Variants in TUSC3 observed in about 807,000 individuals in gnomAD.
TUSC3 encodes the protein dolichyl-diphosphooligosaccharide--protein glycosyltransferase subunit TUSC3.
In TUSC3, 45 loss-of-function variants were observed where a neutral mutation model predicts 44.8. That is an observed-to-expected ratio of 1.00 (90% CI 0.79 to 1.29). The LOEUF (loss-of-function observed/expected upper bound fraction) is 1.29, where lower values mean the gene tolerates loss of function less well. Among genes scored for constraint, TUSC3 ranks in the 50% most tolerant of loss-of-function variants. The pLI is 0.00. For synonymous variants in TUSC3, 212 were observed against 152.9 expected (o/e 1.39, Z -2.85); for missense variants, 519 against 437.9 (o/e 1.19, Z -1.65).
At chr8:15,521,953 G>C (rs1449958070) in intron 2 of TUSC3, among the ~76,000 whole-genome samples, 1 of 152,210 alleles carries the variant, frequency 6.6e-6, no homozygotes, top group African/African-American at 2.4e-5. Flanking sequence ...AATTACTTTT[G>C]CAGCAAACGA....
At chr8:15,736,720 CT>C (rs1554484402) in intron 7 of TUSC3, among the ~76,000 whole-genome samples, 1 of 152,050 alleles carries the variant, frequency 6.6e-6, no homozygotes, top group Non-Finnish European at 1.5e-5. Context: ...ACTAATCTGC[CT>C]TTTTTTCTAT....
intron 1 of TUSC3, among the ~76,000 whole-genome samples, chr8:15,573,043 A>T (rs1406015736): frequency 6.6e-6 from 1 of 151,958 alleles, no homozygotes; most frequent in African/African-American, 2.4e-5. Flanking sequence ...AGAGTTGCTT[A>T]ATGGAGAGTT....
intron 2 of TUSC3, among the ~76,000 whole-genome samples, chr8:15,522,072 C>T (rs1054366955): frequency 1.3e-5 from 2 of 152,176 alleles, no homozygotes; most frequent in African/African-American, 4.8e-5. Context: ...TATGGCAAGG[C>T]ATTTCTGAAA....
intron 8 of TUSC3, among the ~76,000 whole-genome samples, chr8:15,745,140 A>G (rs1811355217): frequency 6.6e-6 from 1 of 152,084 alleles, no homozygotes; most frequent in Admixed American, 6.6e-5. Flanking sequence ...TTGGCTGCAT[A>G]GTATTCCATG....
intron 2 of TUSC3, among the ~76,000 whole-genome samples, chr8:15,650,126 A>C (rs949107629): frequency 1.1e-4 from 17 of 152,230 alleles, no homozygotes; most frequent in African/African-American, 3.9e-4. Flanking sequence ...TTAGCTACAA[A>C]GAGAAATCTT....
chr8:15,744,425 G>C lies in TUSC3; in HGVS notation c.937+813G>C, dbSNP rs924125366. The stretch of plus-strand genomic sequence containing the variant: ...TATGATTTGATATGTCCACAGACCT[G>C]TTATTTTTTTCTTTCTTTGCATTTC... On this transcript the variant is annotated intron_variant, in intron 8 of 10. Coordinates refer to ENST00000503731, the MANE Select transcript of TUSC3 (RefSeq NM_006765.4). Among the ~76,000 whole-genome samples, 3 of 152,078 alleles carry C rather than the reference G, an allele frequency of 2.0e-5. No individual in the cohort carries two copies. In the South Asian group the frequency reaches 6.2e-4, roughly 31 times the overall value.
At chr8:15,609,652 A>C (rs1804677799) in intron 1 of TUSC3, among the ~76,000 whole-genome samples, 1 of 152,128 alleles carries the variant, frequency 6.6e-6, no homozygotes, top group African/African-American at 2.4e-5. Context: ...TCTTCAGAGA[A>C]AGTATCATGA....
At chr8:15,697,519 C>T (rs191778248) in intron 6 of TUSC3, among the ~76,000 whole-genome samples, 11 of 152,134 alleles carry the variant, frequency 7.2e-5, no homozygotes, top group Non-Finnish European at 8.8e-5. Context: ...GGGTCTAGTT[C>T]GCTATCTTGC....
At chr8:15,844,984 T>C in the TUSC3 span, among the ~76,000 whole-genome samples, 18 of 152,076 alleles carry the variant, frequency 1.2e-4, no homozygotes, top group African/African-American at 3.9e-4. Flanking sequence ...TAAGAAAACT[T>C]AAAAAAATAC....
chr8:15,599,921 T>G (rs1328498839), intron 1 of TUSC3, among the ~76,000 whole-genome samples: 4 of 151,700 alleles, frequency 2.6e-5, no homozygotes, highest in Admixed American at 2.0e-4. Flanking sequence ...AAATAAACTT[T>G]GTCTATCATC....
chr8:15,669,619 T>C (rs922744415), intron 5 of TUSC3, among the ~76,000 whole-genome samples: 1 of 151,846 alleles, frequency 6.6e-6, no homozygotes, highest in Non-Finnish European at 1.5e-5. Flanking sequence ...CAAAAAAATA[T>C]GATCATCTTT....
chr8:15,458,476 T>C (rs1800292530), intron 1 of TUSC3, among the ~76,000 whole-genome samples: 1 of 152,132 alleles, frequency 6.6e-6, no homozygotes, highest in South Asian at 2.1e-4. Context: ...TGAGCTCAAG[T>C]GATCCACCCA....
chr8:15,714,196 A>G (rs1809973847), intron 6 of TUSC3, among the ~76,000 whole-genome samples: 1 of 152,192 alleles, frequency 6.6e-6, no homozygotes, highest in Non-Finnish European at 1.5e-5. Context: ...TTATTGGAAT[A>G]TGAGGATAGA....
chr8:15,534,575 G>A (rs562622836), intron 2 of TUSC3, among the ~76,000 whole-genome samples: 4 of 151,710 alleles, frequency 2.6e-5, no homozygotes, highest in Middle Eastern at 3.4e-3. Context: ...CCTGGGAGGC[G>A]GAGCTTGCCA....
chr8:15,834,888 T>C, the TUSC3 span, among the ~76,000 whole-genome samples: 4 of 152,178 alleles, frequency 2.6e-5, no homozygotes, highest in African/African-American at 7.2e-5. Flanking sequence ...ATGTTAAACT[T>C]GCATATACAG....
intron 1 of TUSC3, among the ~76,000 whole-genome samples, chr8:15,440,756 A>G (rs552184559): frequency 1.3e-5 from 2 of 152,324 alleles, no homozygotes; most frequent in African/African-American, 4.8e-5. Context: ...TCAGGAAACT[A>G]TGTCTTCTTC....
rs147121890 is a variant in TUSC3 at position 15,599,859 on chromosome 8, A to G, written c.139-23221A>G. ...GGTTGGAGGTTGGGAAGTATCCTCC[A>G]AGTCTGTTCTCCTTAAATGTTGGTT... On this transcript the variant is annotated intron_variant, in intron 1 of 10. Coordinates refer to ENST00000503731, the MANE Select transcript of TUSC3 (RefSeq NM_006765.4). Among the ~76,000 whole-genome samples, 1,093 of 151,732 alleles carry G rather than the reference A, an allele frequency of 7.2e-3. 3 individuals carry two copies. Among genetic ancestry groups the G allele is most frequent in the Middle Eastern group, 0.01 (3 of 294 alleles).
At position 15,662,270 on chromosome 8, in the gene TUSC3, A is replaced by G; in HGVS notation, c.682A>G (p.Lys228Glu). The change falls in exon 5 of 11, where the codon AAG becomes GAG. Residue 228 changes from lysine (K) to glutamate (E), a missense_variant. Transcript: ENST00000503731. ...GAACAACTTGGAGTTCATCTATAAC[A>G]AGACTGGTTGGGCCATGGTGTCTCT... ...RRNNLEFIYNKTGWAMVSLCI... is the reference protein window; with the variant it reads ...RRNNLEFIYNETGWAMVSLCI... 6.2e-7 allele frequency: 1 copy of G among 1,613,062 alleles called. No homozygotes were observed. Among genetic ancestry groups the G allele is most frequent in the Non-Finnish European group, 8.5e-7 (1 of 1,179,228 alleles).
At chr8:15,712,094 T>C (rs73197153) in intron 6 of TUSC3, among the ~76,000 whole-genome samples, 29,197 of 151,920 alleles carry the variant, frequency 0.19, 2,913 homozygotes, top group South Asian at 0.24. Context: ...ATATATCTTA[T>C]TAATAGTATT....
Sources: allele counts gnomAD v4.1 joint callset (sites outside exome capture counted in the v4.1 genomes callset), GRCh38; gene constraint gnomAD v4.1.1; transcripts MANE v1.5; gene names NCBI Gene and HGNC (gene_info 2026-07-23, HGNC 2026-07-21).